Variants in ACOXL observed in about 807,000 individuals in gnomAD.
The protein encoded by ACOXL is acyl-CoA oxidase like.
A neutral mutation model predicts 71.9 loss-of-function variants in ACOXL; 70 were observed. The ratio of observed to expected loss-of-function variants is 0.97; its 90% confidence interval spans 0.80 to 1.19. ACOXL has a LOEUF of 1.19. Among genes scored for constraint, ACOXL ranks in the 50% most tolerant of loss-of-function variants. The pLI is 0.00. For synonymous variants in ACOXL, 253 were observed against 281.6 expected (o/e 0.90, Z 1.02); for missense variants, 703 against 736.3 (o/e 0.95, Z 0.52).
intron 10 of ACOXL, among the ~76,000 whole-genome samples, chr2:110,860,910 C>T (rs1373820352): frequency 2.0e-5 from 3 of 152,172 alleles, no homozygotes; most frequent in African/African-American, 7.2e-5. Flanking sequence ...GATCGGAGTC[C>T]TGCTGGAAGC....
At position 111,117,903 on chromosome 2, in the gene ACOXL, G is replaced by A. The variant is rs2070471066; in HGVS notation, c.*87G>A. 3.6e-6 allele frequency: 5 copies of A among 1,389,426 alleles called. No individual in the cohort carries two copies. The highest frequency in any genetic ancestry group is 4.8e-6 in the Non-Finnish European group (5 of 1,043,918). 86.1% of individuals were successfully genotyped at this position (1,389,426 alleles called of 1,614,324 possible). On this transcript the variant is annotated 3_prime_UTR_variant, in exon 18 of 18. Coordinates refer to ENST00000439055, the MANE Select transcript of ACOXL (RefSeq NM_001142807.4). Reference sequence around the variant, plus strand: ...CCCAGAGCTGTGGCCGAGGCCGGGGGCTGGCACCCGCTGGGCCGCCACTCT... The same window carrying A: ...CCCAGAGCTGTGGCCGAGGCCGGGGACTGGCACCCGCTGGGCCGCCACTCT...
chr2:110,952,707 CA>C (rs2061373057), intron 12 of ACOXL, among the ~76,000 whole-genome samples: 1 of 152,152 alleles, frequency 6.6e-6, no homozygotes, highest in African/African-American at 2.4e-5. Context: ...TTCAGCCTCC[CA>C]AAATGTTGGG....
At chr2:110,961,810 G>A (rs1483125276) in intron 12 of ACOXL, among the ~76,000 whole-genome samples, 1 of 152,178 alleles carries the variant, frequency 6.6e-6, no homozygotes, top group African/African-American at 2.4e-5. Context: ...GTCTTACATG[G>A]TGGCAGGCAA....
intron 16 of ACOXL, among the ~76,000 whole-genome samples, chr2:111,067,539 G>T (rs552747996): frequency 1.1e-4 from 16 of 152,188 alleles, no homozygotes; most frequent in African/African-American, 3.1e-4. Flanking sequence ...GTCAAGAGAA[G>T]AAGGTGAGAG....
At position 110,848,448 on chromosome 2, in the gene ACOXL, T is replaced by C. The variant is rs1692183602; in HGVS notation, c.788+7043T>C. 2.0e-5 allele frequency among the ~76,000 whole-genome samples: 3 copies of C among 152,202 alleles called. No individual in the cohort carries two copies. In the South Asian group the frequency reaches 6.2e-4, roughly 31 times the overall value. On this transcript the variant is annotated intron_variant, in intron 10 of 17. Transcript: ENST00000439055. ...TGGCCTTAACACAAAATATTGCCCC[T>C]AAATGGCAGCCTATGAATATTCACG...
chr2:110,780,962 T>G (rs942415243), intron 2 of ACOXL, among the ~76,000 whole-genome samples: 1 of 151,840 alleles, frequency 6.6e-6, no homozygotes, highest in Non-Finnish European at 1.5e-5. Flanking sequence ...CCCAGGAGTT[T>G]GAGGCTACAG....
chr2:110,996,040 A>G, intron 14 of ACOXL, 36 bp downstream of exon 14: 1 of 1,537,740 alleles, frequency 6.5e-7, no homozygotes, highest in Non-Finnish European at 9.0e-7. Context: ...TCCTTTTGAC[A>G]TGTGTTTAAG....
chr2:111,041,606 C>T (rs1400172093), intron 15 of ACOXL, among the ~76,000 whole-genome samples: 1 of 114,338 alleles, frequency 8.7e-6, no homozygotes, highest in Non-Finnish European at 2.0e-5. Context: ...CTGCCCCCGG[C>T]TCTACACCTT....
intron 12 of ACOXL, among the ~76,000 whole-genome samples, chr2:110,959,832 C>T (rs1166207218): frequency 2.0e-5 from 3 of 152,140 alleles, no homozygotes; most frequent in East Asian, 3.8e-4. Flanking sequence ...TAGCTGTGTT[C>T]AGTAAGGGCC....
chr2:111,056,788 C>CAAAAAAA (rs34865595), intron 16 of ACOXL, among the ~76,000 whole-genome samples: 1 of 102,320 alleles, frequency 9.8e-6, no homozygotes, highest in Non-Finnish European at 1.9e-5. Context: ...ACTCTGTCTC[C>CAAAAAAA]AAAAAAAAAA....
intron 10 of ACOXL, among the ~76,000 whole-genome samples, chr2:110,892,313 C>G (rs1198547411): frequency 1.3e-5 from 2 of 152,040 alleles, no homozygotes; most frequent in African/African-American, 4.8e-5. Flanking sequence ...AAATGAAGTC[C>G]TGGGAAACCT....
intron 12 of ACOXL, chr2:110,968,661 A>T: frequency 8.9e-7 from 1 of 1,119,350 alleles, no homozygotes; most frequent in Non-Finnish European, 1.3e-6. Flanking sequence ...CAGAAGAAAG[A>T]TCAGATAGCT....
intron 14 of ACOXL, among the ~76,000 whole-genome samples, chr2:111,005,412 G>A (rs931127623): frequency 5.9e-5 from 9 of 152,114 alleles, no homozygotes; most frequent in Admixed American, 4.6e-4. Context: ...GTGGAGGCTG[G>A]AAATAAGATT....
intron 3 of ACOXL, among the ~76,000 whole-genome samples, chr2:110,790,723 G>A (rs1559265031): frequency 2.0e-5 from 3 of 152,018 alleles, no homozygotes; most frequent in Non-Finnish European, 2.9e-5. Flanking sequence ...GTGTCCTCTC[G>A]GAGGACACTC....
At chr2:111,069,198 C>T (rs989522546) in intron 16 of ACOXL, among the ~76,000 whole-genome samples, 1 of 148,318 alleles carries the variant, frequency 6.7e-6, no homozygotes, top group Non-Finnish European at 1.5e-5. Context: ...GTTGCCCAGG[C>T]TGGATTGCAG....
intron 15 of ACOXL, among the ~76,000 whole-genome samples, chr2:111,041,360 A>C (rs1183506392): frequency 6.6e-6 from 1 of 152,104 alleles, no homozygotes; most frequent in African/African-American, 2.4e-5. Flanking sequence ...TTCCCAATTT[A>C]AGTGTGACAC....
At chr2:111,024,722 G>A (rs553321449) in intron 14 of ACOXL, among the ~76,000 whole-genome samples, 2 of 152,060 alleles carry the variant, frequency 1.3e-5, no homozygotes, top group East Asian at 1.9e-4. Flanking sequence ...AGAAAAAGGC[G>A]GTATCTTGTT....
chr2:110,838,289 C>T (rs568764672), intron 9 of ACOXL, among the ~76,000 whole-genome samples: 15 of 152,136 alleles, frequency 9.9e-5, no homozygotes, highest in African/African-American at 1.7e-4. Context: ...TGTGTGCACA[C>T]GTGTGAATGT....
chr2:110,733,699 T>A (rs1559195610), intron 1 of ACOXL, among the ~76,000 whole-genome samples: 1 of 152,122 alleles, frequency 6.6e-6, no homozygotes, highest in Non-Finnish European at 1.5e-5. Context: ...GTTCCTGCAC[T>A]GAGGTTACCT....
Sources: allele counts gnomAD v4.1 joint callset (sites outside exome capture counted in the v4.1 genomes callset), GRCh38; gene constraint gnomAD v4.1.1; transcripts MANE v1.5; gene names NCBI Gene and HGNC (gene_info 2026-07-23, HGNC 2026-07-21).